TBXAS1: variants seen among roughly 807,000 people sequenced by gnomAD.
The protein encoded by TBXAS1 is thromboxane A synthase 1, also known as thromboxane-A synthase.
Under a neutral mutation model 60.7 loss-of-function variants are expected in TBXAS1, and 48 were observed. The ratio of observed to expected loss-of-function variants is 0.79; its 90% CI spans 0.63 to 1.01. The LOEUF is 1.01. TBXAS1 is among the 50% of genes least tolerant of loss of function. The probability of loss-of-function intolerance (pLI) is 0.00; values close to 1 mark genes in which losing one functional copy is unlikely to be tolerated. For missense variants in TBXAS1, 685 were observed against 686.3 expected, an observed-to-expected ratio of 1.00 and a Z score of 0.02; for synonymous variants, 287 against 269.7, an observed-to-expected ratio of 1.06 and a Z score of -0.63.
upstream of TBXAS1, among the ~76,000 whole-genome samples, chr7:139,826,569 T>C (rs1798443126): frequency 6.6e-6 from 1 of 152,214 alleles, no homozygotes; most frequent in Admixed American, 6.5e-5. Context: ...ACCAAATTTA[T>C]GTTGATGGCT....
chr7:140,008,538 C>T (rs1398071587), intron 10 of TBXAS1, among the ~76,000 whole-genome samples: 1 of 148,300 alleles, frequency 6.7e-6, no homozygotes, highest in Non-Finnish European at 1.5e-5. Flanking sequence ...ACTTCTGCCT[C>T]TTGGGTTCAA....
chr7:140,009,561 C>T (rs1814370319), intron 10 of TBXAS1, among the ~76,000 whole-genome samples: 3 of 150,516 alleles, frequency 2.0e-5, no homozygotes, highest in Admixed American at 2.0e-4. Context: ...CTTCCCCACA[C>T]ATGCCCCACA....
chr7:139,841,597 G>A (rs2116575603), intron 1 of TBXAS1, among the ~76,000 whole-genome samples: 1 of 150,750 alleles, frequency 6.6e-6, no homozygotes, highest in Middle Eastern at 3.4e-3. Context: ...AACTAGGTCT[G>A]TGGCTTCCTT....
intron 5 of TBXAS1, among the ~76,000 whole-genome samples, chr7:139,937,915 G>A (rs902006275): frequency 1.3e-5 from 2 of 151,746 alleles, no homozygotes; most frequent in Non-Finnish European, 2.9e-5. Context: ...ATGGGGCCTC[G>A]GTGGAAAGCT....
intron 4 of TBXAS1, among the ~76,000 whole-genome samples, chr7:139,933,500 C>T (rs907066971): frequency 6.6e-6 from 1 of 152,060 alleles, no homozygotes; most frequent in African/African-American, 2.4e-5. Context: ...GATTATGTTC[C>T]CCAAATTCCA....
chr7:139,866,224 T>C (rs1026168925), intron 1 of TBXAS1, among the ~76,000 whole-genome samples: 2 of 152,198 alleles, frequency 1.3e-5, no homozygotes, highest in Admixed American at 6.5e-5. Flanking sequence ...AAAATCTTCA[T>C]GCACAAAGTG....
intron 5 of TBXAS1, among the ~76,000 whole-genome samples, chr7:139,949,220 G>T (rs1237205374): frequency 6.6e-6 from 1 of 152,198 alleles, no homozygotes; most frequent in African/African-American, 2.4e-5. Context: ...TGCCTCTGAA[G>T]AGTTGTGTGT....
At chr7:140,015,582 C>T (rs1046139562) in intron 10 of TBXAS1, 141 bp from the exon 11 acceptor site, 4 of 972,336 alleles carry the variant, frequency 4.1e-6, no homozygotes, top group Non-Finnish European at 6.4e-6. Context: ...AGCAGGGGGT[C>T]CTCTGTCCCC....
chr7:140,011,752 G>T (rs1814637461), intron 10 of TBXAS1, among the ~76,000 whole-genome samples: 1 of 152,170 alleles, frequency 6.6e-6, no homozygotes, highest in Non-Finnish European at 1.5e-5. Context: ...TCTGGAGATG[G>T]ATGGCAGTGC....
chr7:139,892,236 A>C (rs1569509135), intron 3 of TBXAS1, among the ~76,000 whole-genome samples: 1 of 152,202 alleles, frequency 6.6e-6, no homozygotes, highest in African/African-American at 2.4e-5. Context: ...TTCTGGTCTT[A>C]GCTCAGCTAT....
chr7:139,791,009 G>A (rs747141067), intron 4 of TBXAS1, among the ~76,000 whole-genome samples: 1 of 152,176 alleles, frequency 6.6e-6, no homozygotes, highest in Non-Finnish European at 1.5e-5. Flanking sequence ...TCACCATGTT[G>A]TCCATGCTGG....
At chr7:140,007,805 C>T (rs1293027001) in intron 10 of TBXAS1, among the ~76,000 whole-genome samples, 1 of 152,220 alleles carries the variant, frequency 6.6e-6, no homozygotes, top group Non-Finnish European at 1.5e-5. Context: ...TGTAACTATA[C>T]ACTTCATGTT....
intron 5 of TBXAS1, among the ~76,000 whole-genome samples, chr7:139,946,513 G>A (rs1204834635): frequency 1.3e-5 from 2 of 152,200 alleles, no homozygotes; most frequent in African/African-American, 2.4e-5. Flanking sequence ...CCTGAACTAG[G>A]AGGTGACTGA....
chr7:139,851,344 G>C (rs1800199412), intron 1 of TBXAS1, among the ~76,000 whole-genome samples: 1 of 152,208 alleles, frequency 6.6e-6, no homozygotes, highest in Admixed American at 6.5e-5. Flanking sequence ...ACACAACAGG[G>C]ATGTTGGTAG....
intron 9 of TBXAS1, among the ~76,000 whole-genome samples, chr7:139,971,730 AACCAGGAGCTTAGAG>A (rs1453585818): frequency 1.3e-5 from 2 of 152,114 alleles, no homozygotes; most frequent in African/African-American, 4.8e-5. Flanking sequence ...CAGCAGTGGC[AACCAGGAGCTTAGAG>A]ACCGCTGTGC....
intron 10 of TBXAS1, among the ~76,000 whole-genome samples, chr7:140,007,803 T>C (rs370691622): frequency 3.3e-5 from 5 of 152,334 alleles, no homozygotes; most frequent in African/African-American, 1.2e-4. Flanking sequence ...GCTGTAACTA[T>C]ACACTTCATG....
intron 6 of TBXAS1, among the ~76,000 whole-genome samples, chr7:139,955,032 T>TGA (rs930089710): frequency 1.3e-5 from 2 of 152,234 alleles, no homozygotes; most frequent in African/African-American, 4.8e-5. Context: ...ATCATTAGAT[T>TGA]CTGGCCTGAG....
chr7:139,829,134 T>A, upstream of TBXAS1: 1 of 605,910 alleles, frequency 1.7e-6, no homozygotes, highest in Middle Eastern at 4.4e-4. Context: ...TATAAATGTT[T>A]ATTGACAGTG....
intron 1 of TBXAS1, among the ~76,000 whole-genome samples, chr7:139,838,135 G>C (rs1156289959): frequency 6.6e-6 from 1 of 152,172 alleles, no homozygotes; most frequent in Non-Finnish European, 1.5e-5. Flanking sequence ...AAAGAATTCA[G>C]CAGTTTCTTT....
Sources: gnomAD v4.1 joint callset for allele counts (sites outside exome capture counted in the v4.1 genomes callset) on GRCh38, gnomAD v4.1.1 for gene constraint, MANE v1.5 for transcripts, NCBI Gene and HGNC (gene_info 2026-07-23, HGNC 2026-07-21) for gene names.